Variants in CCDC73 observed in about 807,000 individuals in gnomAD.
CCDC73 encodes the protein coiled-coil domain-containing protein 73.
In CCDC73, 95 loss-of-function variants were observed where a neutral mutation model predicts 116.5. The ratio of observed to expected loss-of-function variants is 0.82; its 90% CI spans 0.69 to 0.97. The LOEUF (loss-of-function observed/expected upper bound fraction) is 0.97. CCDC73 is among the 50% of genes least tolerant of loss of function. CCDC73 has a pLI of 0.00. For missense variants in CCDC73, 1,066 were observed against 1,206.8 expected, an observed-to-expected ratio of 0.88 and a Z score of 1.73; for synonymous variants, 398 against 401.3, an observed-to-expected ratio of 0.99 and a Z score of 0.10.
At chr11:32,733,721 C>T (rs4620696) in intron 2 of CCDC73, among the ~76,000 whole-genome samples, 115,142 of 152,006 alleles carry the variant, frequency 0.76, 43,779 homozygotes, top group East Asian at 0.93. Context: ...TTGAAACCAA[C>T]GAGAACAAAG....
chr11:32,654,667 C>T (rs956550970), intron 10 of CCDC73, among the ~76,000 whole-genome samples, 177 bp downstream of exon 10: 2 of 152,040 alleles, frequency 1.3e-5, no homozygotes, highest in African/African-American at 4.8e-5. Flanking sequence ...ATAGTTCTAG[C>T]CAAATCTTAT....
At chr11:32,811,755 G>A in the CCDC73 span, among the ~76,000 whole-genome samples, 10 of 152,012 alleles carry the variant, frequency 6.6e-5, no homozygotes, top group African/African-American at 2.4e-4. Context: ...AAGTGAGAAC[G>A]CATTACTATG....
At chr11:32,817,765 A>G in the CCDC73 span, among the ~76,000 whole-genome samples, 1 of 152,146 alleles carries the variant, frequency 6.6e-6, no homozygotes, top group Non-Finnish European at 1.5e-5. Flanking sequence ...CACTTTCCCT[A>G]CCCATACCCT....
chr11:32,603,071 T>TAAAG (rs1158022287), intron 17 of CCDC73, 51 bp from the exon 18 acceptor site: 3 of 1,445,242 alleles, frequency 2.1e-6, no homozygotes, highest in African/African-American at 2.9e-5. Flanking sequence ...CAAAAGATTT[T>TAAAG]AAAGAGTCTG....
Position 32,760,115 on chromosome 11 carries a change from C to G in CCDC73, c.129G>C (p.Met43Ile), listed in dbSNP as rs1311536547. 1 of 1,598,568 alleles carries G rather than the reference C, an allele frequency of 6.3e-7. No homozygotes were observed. Among genetic ancestry groups the G allele is most frequent in the African/African-American group, 1.4e-5 (1 of 73,910 alleles). The change falls in exon 2 of 18, where the codon ATG becomes ATC. Residue 43 changes from methionine (M) to isoleucine (I), a missense_variant. Met to Ile is a conservative substitution (Grantham distance 10, BLOSUM62 1). Transcript: ENST00000335185. Reference sequence around the variant, plus strand: ...ATTTTAAAAAGGAGCTTACCCTTCTCATACGCAATTCTTCTAATGCCTCCA... The same window carrying G: ...ATTTTAAAAAGGAGCTTACCCTTCTGATACGCAATTCTTCTAATGCCTCCA... ...SLLEALEELR[M>I]RREAEIHYEE...
intron 12 of CCDC73, among the ~76,000 whole-genome samples, chr11:32,648,622 G>A (rs557795441): frequency 6.6e-6 from 1 of 151,792 alleles, no homozygotes; most frequent in East Asian, 1.9e-4. Flanking sequence ...TGCAATCTCA[G>A]CTCACTGCAA....
chr11:32,695,726 G>A (rs755362203), intron 6 of CCDC73, among the ~76,000 whole-genome samples: 6 of 140,752 alleles, frequency 4.3e-5, no homozygotes, highest in Non-Finnish European at 6.1e-5. Flanking sequence ...AAAAATTTTC[G>A]TTGTTTGTTG....
At chr11:32,760,312 A>G in intron 1 of CCDC73, 54 bp from the exon 2 acceptor site, 1 of 1,033,482 alleles carries the variant, frequency 9.7e-7, no homozygotes. Flanking sequence ...TTTTCAAGTA[A>G]AAGCATAGTT....
intron 6 of CCDC73, among the ~76,000 whole-genome samples, chr11:32,686,366 A>G (rs1237420883): frequency 1.3e-5 from 2 of 150,402 alleles, no homozygotes; most frequent in South Asian, 2.1e-4. Context: ...ATCCAAGCAG[A>G]GATGGCAAAT....
At chr11:32,824,688 T>C in the CCDC73 span, among the ~76,000 whole-genome samples, 1 of 152,212 alleles carries the variant, frequency 6.6e-6, no homozygotes, top group Non-Finnish European at 1.5e-5. Flanking sequence ...CTGTCAGGAT[T>C]GAAGTGTCCA....
chr11:32,767,261 T>C (rs959753677), intron 1 of CCDC73, among the ~76,000 whole-genome samples: 4 of 152,198 alleles, frequency 2.6e-5, no homozygotes, highest in African/African-American at 9.7e-5. Context: ...GAAAACTGGC[T>C]AGCCATATGT....
At chr11:32,640,606 A>G (rs908386308) in intron 13 of CCDC73, among the ~76,000 whole-genome samples, 1 of 152,212 alleles carries the variant, frequency 6.6e-6, no homozygotes, top group Non-Finnish European at 1.5e-5. Flanking sequence ...CTAGTATACC[A>G]TTTAACGATT....
intron 13 of CCDC73, among the ~76,000 whole-genome samples, chr11:32,636,861 G>A (rs561720681): frequency 6.6e-6 from 1 of 151,702 alleles, no homozygotes; most frequent in Non-Finnish European, 1.5e-5. Flanking sequence ...ATCTTCCTAA[G>A]TCCTAATTCT....
At chr11:32,748,993 G>T (rs1327246680) in intron 2 of CCDC73, among the ~76,000 whole-genome samples, 1 of 152,160 alleles carries the variant, frequency 6.6e-6, no homozygotes, top group African/African-American at 2.4e-5. Context: ...ACCTTTGGGA[G>T]TGTGATTATT....
chr11:32,818,435 A>C, the CCDC73 span, among the ~76,000 whole-genome samples: 1 of 152,238 alleles, frequency 6.6e-6, no homozygotes, highest in African/African-American at 2.4e-5. Flanking sequence ...GCATTCTATA[A>C]GAAAATGCAA....
chr11:32,648,425 T>C (rs1371676558), intron 12 of CCDC73, among the ~76,000 whole-genome samples: 2 of 152,234 alleles, frequency 1.3e-5, no homozygotes, highest in Admixed American at 6.5e-5. Context: ...TTAGAAAGAC[T>C]ATGAGTTTAT....
intron 12 of CCDC73, among the ~76,000 whole-genome samples, chr11:32,651,844 C>T (rs976440637): frequency 6.6e-6 from 1 of 152,148 alleles, no homozygotes; most frequent in Non-Finnish European, 1.5e-5. Flanking sequence ...CAGCTTTACC[C>T]TGAACCCCTT....
At chr11:32,794,197 G>A (rs1376698401) in intron 1 of CCDC73, among the ~76,000 whole-genome samples, 8 of 152,176 alleles carry the variant, frequency 5.3e-5, no homozygotes, top group African/African-American at 1.9e-4. Context: ...TGAGCGGTCA[G>A]AGTTGTTTGA....
At chr11:32,801,250 G>A in the CCDC73 span, among the ~76,000 whole-genome samples, 1 of 152,134 alleles carries the variant, frequency 6.6e-6, no homozygotes, top group African/African-American at 2.4e-5. Context: ...CACTGACAAA[G>A]GAATGGGATA....
Sources: allele counts gnomAD v4.1 joint callset (sites outside exome capture counted in the v4.1 genomes callset), GRCh38; gene constraint gnomAD v4.1.1; transcripts MANE v1.5; gene names NCBI Gene and HGNC (gene_info 2026-07-23, HGNC 2026-07-21).